The following ZNF667 variants were observed in gnomAD, a reference collection of about 807,000 sequenced individuals.
ZNF667 encodes zinc finger protein 667.
In ZNF667, 13 loss-of-function variants were observed where a neutral mutation model predicts 31.8. The observed-to-expected ratio is 0.41, with a 90% CI of 0.27 to 0.65. ZNF667 has a LOEUF of 0.65. ZNF667 is among the 30% of genes least tolerant of loss of function. The probability of loss-of-function intolerance (pLI) is 0.32; values close to 1 mark genes in which losing one functional copy is unlikely to be tolerated. For synonymous variants in ZNF667, 228 were observed against 247.1 expected, an observed-to-expected ratio of 0.92 and a Z score of 0.73; for missense variants, 642 against 725.6, an observed-to-expected ratio of 0.88 and a Z score of 1.32.
chr19:56,441,631 T>G lies in ZNF667; in HGVS notation c.1364A>C (p.Gln455Pro), dbSNP rs2042604196. The change falls in exon 7 of 7, where the codon CAA (glutamine) becomes CCA (proline). Residue 455 changes from glutamine to proline, a missense_variant. By Grantham distance (76) the Gln-to-Pro change is moderately conservative. Transcript: ENST00000504904. This position sits in a 1 kb window ranked among gnomAD's most constrained non-coding sequence, Gnocchi z 4.2. ...CNKCSKVFGR[Q>P]SFLIEHQRIH... is the part of the protein sequence containing the mutation. ...TCTTTGATGTTCAATAAGAAATGAT[T>G]GGCGGCCGAAAACTTTACTACATTT... 1 of 1,614,072 alleles carries G rather than the reference T, an allele frequency of 6.2e-7. No homozygotes were observed. Among genetic ancestry groups the G allele is most frequent in the Non-Finnish European group, 8.5e-7 (1 of 1,179,970 alleles).
intron 6 of ZNF667, among the ~76,000 whole-genome samples, chr19:56,443,737 A>T (rs967477873): frequency 3.3e-5 from 5 of 152,240 alleles, no homozygotes; most frequent in Non-Finnish European, 5.9e-5. Context: ...AAGAAGCAGG[A>T]AAAGCTCAGA....
At chr19:56,462,227 G>T in intron 4 of ZNF667, 111 bp downstream of exon 4, 1 of 1,331,958 alleles carries the variant, frequency 7.5e-7, no homozygotes, top group Non-Finnish European at 1.1e-6. Flanking sequence ...CAAAGACTAG[G>T]TGTTGGATGG....
rs77733048 is a variant in ZNF667 at position 56,469,770 on chromosome 19, A to T, written c.-60+1929T>A. 2,073 of 365,264 alleles carry T rather than the reference A, an allele frequency of 5.7e-3. 42 individuals are homozygous for T. The highest frequency in any genetic ancestry group is 0.041 in the African/African-American group (1,930 of 47,372). 22.6% of individuals were successfully genotyped at this position (365,264 alleles called of 1,614,324 possible). ...ATGCTTACTGTCAACCGTCCTGAGG[A>T]CAGGCAACTCTGTATTCCAAGTGCC... On this transcript the variant is annotated intron_variant, in intron 3 of 6. Coordinates refer to ENST00000504904, the MANE Select transcript of ZNF667 (RefSeq NM_001321356.2).
intron 5 of ZNF667, among the ~76,000 whole-genome samples, chr19:56,458,996 G>C (rs551731437): frequency 6.6e-6 from 1 of 152,276 alleles, no homozygotes; most frequent in Admixed American, 6.5e-5. Context: ...GTAGGGGACA[G>C]TCCTGTGGGA....
At chr19:56,444,024 T>C (rs936056874) in intron 6 of ZNF667, 6 of 383,128 alleles carry the variant, frequency 1.6e-5, no homozygotes, top group Non-Finnish European at 2.8e-5. Context: ...ACTGTGAAAA[T>C]TTACTACAAA....
chr19:56,474,734 T>C (rs1246842813), intron 1 of ZNF667: 1 of 152,284 alleles, frequency 6.6e-6, no homozygotes, highest in Non-Finnish European at 1.5e-5. Flanking sequence ...CATTAGTCTC[T>C]TGGGAGCTTT....
At chr19:56,473,300 C>T (rs2043332646) in intron 2 of ZNF667, among the ~76,000 whole-genome samples, 1 of 152,102 alleles carries the variant, frequency 6.6e-6, no homozygotes, top group South Asian at 2.1e-4. Context: ...TAAGATGAGA[C>T]AAAACACAGT....
intron 6 of ZNF667, among the ~76,000 whole-genome samples, chr19:56,448,637 G>GC (rs2042755268): frequency 1.7e-5 from 1 of 57,156 alleles, no homozygotes; most frequent in Admixed American, 2.2e-4. Flanking sequence ...CTCAACCACA[G>GC]TAAAAAAAAA....
intron 3 of ZNF667, chr19:56,469,797 T>C (rs894795400): frequency 2.5e-5 from 10 of 396,320 alleles, no homozygotes; most frequent in South Asian, 1.5e-4. Context: ...CCAAGTGCCT[T>C]AGACCAGCAT....
At position 56,440,548 on chromosome 19, in the gene ZNF667, C is replaced by G; in HGVS notation, c.*614G>C. 1.0e-6 allele frequency: 1 copy of G among 961,476 alleles called. No individual in the cohort carries two copies. The allele number at this position is 961,476 out of a possible 1,614,324, so 59.6% of individuals were successfully genotyped here. On this transcript the variant is annotated 3_prime_UTR_variant, in exon 7 of 7. Transcript: ENST00000504904. ...CTTTTTTCTGTGACCTTAAATCAGGCTCAGAGCCCTATAATGGACTTCACA... is the reference window on the plus strand; with the variant it reads ...CTTTTTTCTGTGACCTTAAATCAGGGTCAGAGCCCTATAATGGACTTCACA...
intron 3 of ZNF667, 109 bp from the exon 4 acceptor site, chr19:56,462,538 C>T (rs1310692309): frequency 2.8e-6 from 2 of 718,768 alleles, no homozygotes; most frequent in Non-Finnish European, 2.5e-6. Context: ...CACGTGCACA[C>T]ACACACACAG....
chr19:56,467,303 G>A (rs895606802), intron 3 of ZNF667, among the ~76,000 whole-genome samples: 2 of 152,094 alleles, frequency 1.3e-5, no homozygotes, highest in African/African-American at 2.4e-5. Flanking sequence ...CCATGAATAT[G>A]GCACCTTACA....
Position 56,441,757 on chromosome 19 carries a change from TTC to T in ZNF667, c.1236_1237del (p.Lys413ThrfsTer3), listed in dbSNP as rs1271638318. 6.2e-7 allele frequency: 1 copy of T among 1,613,994 alleles called. No homozygotes were observed. Among genetic ancestry groups the T allele is most frequent in the African/African-American group, 1.3e-5 (1 of 74,932 alleles). On this transcript the variant is annotated frameshift_variant, in exon 7 of 7. Coordinates refer to ENST00000504904, the MANE Select transcript of ZNF667 (RefSeq NM_001321356.2). LOFTEE classifies it high-confidence loss of function. The surrounding 1 kb of genome is among the most constrained non-coding windows in gnomAD (Gnocchi z 4.2). The stretch of plus-strand genomic sequence containing the variant: ...CCCACATTCCTTACACTCAAATAGT[TTC>T]TTTTTCTTTGTATGAACTTTCTGAT...
intron 6 of ZNF667, among the ~76,000 whole-genome samples, chr19:56,448,160 A>C (rs960196225): frequency 6.6e-6 from 1 of 151,978 alleles, no homozygotes; most frequent in Non-Finnish European, 1.5e-5. Context: ...AACAAGAGAG[A>C]ATCTATGTGT....
In ZNF667 at chr19:56,460,658, G is replaced by A. The variant is rs376272614; in HGVS notation, c.160+31C>T. On this transcript the variant is annotated intron_variant, in intron 5 of 6. Transcript: ENST00000504904. ...GTGATGCATGTCCCTCAATAGGCTG[G>A]TTCTGGATTGTGGGGGACGAAGAGC... is the stretch of plus-strand genomic sequence containing the variant. 4.2e-4 allele frequency: 675 copies of A among 1,601,282 alleles called. 15 individuals carry two copies. In the South Asian group the frequency reaches 7.2e-3, roughly 17 times the overall value.
In ZNF667 at chr19:56,441,667, A is replaced by C; in HGVS notation, c.1328T>G (p.Phe443Cys). 6.2e-7 allele frequency: 1 copy of C among 1,614,044 alleles called. No individual in the cohort carries two copies. The highest frequency in any genetic ancestry group is 8.5e-7 in the Non-Finnish European group (1 of 1,180,004). Residue 443 changes from phenylalanine (F) to cysteine (C), a missense_variant, in exon 7 of 7, where the codon TTC (phenylalanine) becomes TGC (cysteine). Coordinates refer to ENST00000504904, the MANE Select transcript of ZNF667 (RefSeq NM_001321356.2). The surrounding 1 kb of genome is among the most constrained non-coding windows in gnomAD (Gnocchi z 4.2). ...HQNIHSEEKP[F>C]KCNKCSKVFG... ...AACTTTACTACATTTATTGCATTTG[A>C]AAGGTTTCTCTTCAGAATGAATATT... is the stretch of plus-strand genomic sequence containing the variant.
At chr19:56,460,005 T>G (rs1418005231) in intron 5 of ZNF667, among the ~76,000 whole-genome samples, 1 of 151,884 alleles carries the variant, frequency 6.6e-6, no homozygotes, top group Non-Finnish European at 1.5e-5. Context: ...AAAAAAAAAT[T>G]TATACCAAAA....
At chr19:56,443,567 T>C (rs2042662600) in intron 6 of ZNF667, among the ~76,000 whole-genome samples, 1 of 152,228 alleles carries the variant, frequency 6.6e-6, no homozygotes, top group Non-Finnish European at 1.5e-5. Context: ...AGTATTTATG[T>C]ATCTAAATAT....
intron 6 of ZNF667, chr19:56,449,149 T>G (rs1412998765): frequency 3.6e-6 from 1 of 277,522 alleles, no homozygotes; most frequent in Non-Finnish European, 7.3e-6. Flanking sequence ...CAAAGACACA[T>G]CCTAGCCCCT....
Sources: gnomAD v4.1 joint callset for allele counts (sites outside exome capture counted in the v4.1 genomes callset) on GRCh38, gnomAD v4.1.1 for gene constraint, Gnocchi (gnomAD v3.1) non-coding constraint, MANE v1.5 for transcripts, NCBI Gene and HGNC (gene_info 2026-07-23, HGNC 2026-07-21) for gene names.